The following DDX25 variants were observed in gnomAD, a reference collection of about 807,000 sequenced individuals.
DDX25 encodes the protein ATP-dependent RNA helicase DDX25.
A neutral mutation model predicts 64.6 loss-of-function variants in DDX25; 70 were observed. The observed-to-expected ratio is 1.08, with a 90% CI of 0.89 to 1.32. The LOEUF (loss-of-function observed/expected upper bound fraction) is 1.32, where lower values mean the gene tolerates loss of function less well. Ranked by LOEUF, DDX25 falls within the 40% of genes most tolerant of loss-of-function variation. The pLI, the probability that DDX25 is intolerant of heterozygous loss-of-function variation, is 0.00. For synonymous variants in DDX25, 211 were observed against 213.3 expected, an observed-to-expected ratio of 0.99 and a Z score of 0.09; for missense variants, 587 against 604.4, an observed-to-expected ratio of 0.97 and a Z score of 0.30.
chr11:125,927,466 A>G lies in DDX25; in HGVS notation c.*4585A>G, dbSNP rs1164091722. 1.3e-5 allele frequency: 2 copies of G among 152,196 alleles called. No individual in the cohort carries two copies. The highest frequency in any genetic ancestry group is 4.8e-5 in the African/African-American group (2 of 41,442). The allele number at this position is 152,196 out of a possible 1,614,324, so 9.4% of individuals were successfully genotyped here. On this transcript the variant is annotated 3_prime_UTR_variant, in exon 12 of 12. Coordinates refer to ENST00000263576, the MANE Select transcript of DDX25 (RefSeq NM_013264.5). ...GAGAAGCGTGGCAACTATCTGTAGC[A>G]TTTTTCTTTGGGAATTAACCTTTGC...
intron 10 of DDX25, among the ~76,000 whole-genome samples, 190 bp downstream of exon 10, chr11:125,918,980 G>A (rs1945077230): frequency 6.6e-6 from 1 of 152,006 alleles, no homozygotes; most frequent in Non-Finnish European, 1.5e-5. Flanking sequence ...TCCATCCCAT[G>A]GCCCCTGGCA....
chr11:125,914,769 C>G (rs1229578404), intron 8 of DDX25, among the ~76,000 whole-genome samples: 1 of 152,212 alleles, frequency 6.6e-6, no homozygotes, highest in East Asian at 1.9e-4. Flanking sequence ...TGGAGTCTCA[C>G]TGTGTCACCC....
At chr11:125,922,799 T>G in intron 11 of DDX25, 21 bp from the exon 12 acceptor site, 1 of 1,596,454 alleles carries the variant, frequency 6.3e-7, no homozygotes, top group Non-Finnish European at 8.5e-7. Context: ...AGACTAGTTC[T>G]GTTCTCTTTT....
At chr11:125,907,413 C>T (rs888197240) in intron 4 of DDX25, among the ~76,000 whole-genome samples, 3 of 152,096 alleles carry the variant, frequency 2.0e-5, no homozygotes, top group East Asian at 1.9e-4. Context: ...TCGAGACCAT[C>T]CTGGCTAACA....
At chr11:125,910,565 C>T (rs1012514310) in intron 7 of DDX25, 87 bp downstream of exon 7, 4 of 1,138,062 alleles carry the variant, frequency 3.5e-6, no homozygotes, top group African/African-American at 3.0e-5. Flanking sequence ...TTGGCATTCT[C>T]ATCTCTAAAT....
intron 10 of DDX25, among the ~76,000 whole-genome samples, chr11:125,919,681 C>T (rs1945087135): frequency 6.6e-6 from 1 of 151,770 alleles, no homozygotes; most frequent in South Asian, 2.1e-4. Flanking sequence ...AACTGACAAC[C>T]TGCCATGCTA....
rs1288211356 is a variant in DDX25 at position 125,924,614 on chromosome 11, G to A, written c.*1733G>A. 1 of 152,268 alleles carries A rather than the reference G, an allele frequency of 6.6e-6. No homozygotes were observed. Among genetic ancestry groups the A allele is most frequent in the Non-Finnish European group, 1.5e-5 (1 of 68,086 alleles). 9.4% of individuals were successfully genotyped at this position (152,268 alleles called of 1,614,324 possible). A position where few individuals can be genotyped will look rare whatever the true frequency, so the allele number is the denominator to read the frequency against. ...TTCTAACCTGAGTCTACGAGAGGAA[G>A]TGTTCCAGACCCAGCTTACCATAAT... On this transcript the variant is annotated 3_prime_UTR_variant, in exon 12 of 12. Coordinates refer to ENST00000263576, the MANE Select transcript of DDX25 (RefSeq NM_013264.5).
chr11:125,909,560 A>T (rs1944938014), intron 6 of DDX25, among the ~76,000 whole-genome samples: 1 of 151,870 alleles, frequency 6.6e-6, no homozygotes, highest in Admixed American at 6.6e-5. Context: ...TATGTATTAT[A>T]TTATGTTATA....
intron 4 of DDX25, among the ~76,000 whole-genome samples, chr11:125,907,619 A>G (rs1045640590): frequency 3.9e-5 from 6 of 151,904 alleles, no homozygotes; most frequent in Admixed American, 3.3e-4. Flanking sequence ...AAAAAAAAAA[A>G]GTTGAAGTGT....
chr11:125,923,248 C>A lies in DDX25; in HGVS notation c.*367C>A. On this transcript the variant is annotated 3_prime_UTR_variant, in exon 12 of 12. Transcript: ENST00000263576. ...GGTAGAGCTTCGCTGATTTTGGAAG[C>A]GGAGCGAGTAGGAAAAAGCCCATGT... is the stretch of plus-strand genomic sequence containing the variant. The A allele has an allele frequency of 5.7e-6, 1 of 176,188 alleles. No individual in the cohort carries two copies. Among genetic ancestry groups the A allele is most frequent in the Non-Finnish European group, 1.2e-5 (1 of 83,914 alleles). 10.9% of individuals were successfully genotyped at this position (176,188 alleles called of 1,614,324 possible).
At chr11:125,914,999 C>T (rs1195259129) in intron 8 of DDX25, among the ~76,000 whole-genome samples, 2 of 152,144 alleles carry the variant, frequency 1.3e-5, no homozygotes, top group African/African-American at 4.8e-5. Flanking sequence ...CCTGGATATC[C>T]GGGTGACATT....
chr11:125,910,399 G>A lies in DDX25; in HGVS notation c.543G>A (p.Leu181=). 1 of 1,613,936 alleles carries A rather than the reference G, an allele frequency of 6.2e-7. No homozygotes were observed. ...LCLAPTYELA[L]QTGRVVEQMG... ...TAGCTCCTACTTATGAATTGGCTCT[G>A]CAAACTGGCCGTGTGGTTGAGCAGA... Residue 181 remains leucine, a synonymous_variant, in exon 7 of 12, where the codon CTG becomes CTA. Coordinates refer to ENST00000263576, the MANE Select transcript of DDX25 (RefSeq NM_013264.5).
chr11:125,925,288 C>T lies in DDX25; in HGVS notation c.*2407C>T, dbSNP rs1945157440. The T allele has an allele frequency of 2.6e-6, 1 of 385,160 alleles. No homozygotes were observed. Among genetic ancestry groups the T allele is most frequent in the Non-Finnish European group, 5.3e-6 (1 of 188,308 alleles). 23.9% of individuals were successfully genotyped at this position (385,160 alleles called of 1,614,324 possible). ...CAGTAATTTTTGTTTGGCAGCTGTT[C>T]CCACAGGTCTGCATGAACCAGGTAT... On this transcript the variant is annotated 3_prime_UTR_variant, in exon 12 of 12. Transcript: ENST00000263576.
Position 125,926,184 on chromosome 11 carries a change from GC to G in DDX25, c.*3304del, listed in dbSNP as rs1433317529. The G allele has an allele frequency of 1.3e-5, 2 of 152,284 alleles. No individual in the cohort carries two copies. Among genetic ancestry groups the G allele is most frequent in the Non-Finnish European group, 2.9e-5 (2 of 68,140 alleles). The allele number at this position is 152,284 out of a possible 1,614,324, so 9.4% of individuals were successfully genotyped here. ...TGCACTTTGCTCTCTGAACCGGGGG[GC>G]ATTACTATGTTCTCACCCACATTGT... On this transcript the variant is annotated 3_prime_UTR_variant, in exon 12 of 12. Transcript: ENST00000263576.
intron 5 of DDX25, 29 bp downstream of exon 5, chr11:125,908,317 T>C: frequency 1.2e-6 from 2 of 1,613,094 alleles, no homozygotes; most frequent in East Asian, 2.2e-5. Context: ...GGTATTCTAC[T>C]TGGTTATGTT....
At position 125,905,598 on chromosome 11, in the gene DDX25, G is replaced by A. The variant is rs1248219841; in HGVS notation, c.175+1G>A. The A allele has an allele frequency of 1.3e-6, 2 of 1,551,418 alleles. No homozygotes were observed. Among genetic ancestry groups the A allele is most frequent in the African/African-American group, 1.4e-5 (1 of 73,170 alleles). On this transcript the variant is annotated splice_donor_variant, in intron 3 of 11. Transcript: ENST00000263576. LOFTEE classifies it high-confidence loss of function. ...AATGAAGATGATGAAGAAGATGTAGGTAGGAGATGAATTCATTTGCATGTA... is the reference window on the plus strand; with the variant it reads ...AATGAAGATGATGAAGAAGATGTAGATAGGAGATGAATTCATTTGCATGTA...
intron 10 of DDX25, among the ~76,000 whole-genome samples, chr11:125,919,745 T>C (rs982216993): frequency 5.3e-5 from 8 of 152,106 alleles, no homozygotes; most frequent in Non-Finnish European, 8.8e-5. Flanking sequence ...AAGGATGATG[T>C]CTCTATCCCT....
chr11:125,903,340 G>T, upstream of DDX25: 2 of 586,210 alleles, frequency 3.4e-6, no homozygotes, highest in Non-Finnish European at 4.3e-6. Context: ...TCCAGCTACC[G>T]TTTCTCCGCC....
At chr11:125,909,941 C>T (rs1274583792) in intron 6 of DDX25, among the ~76,000 whole-genome samples, 1 of 152,164 alleles carries the variant, frequency 6.6e-6, no homozygotes, top group Non-Finnish European at 1.5e-5. Flanking sequence ...TGTGAGCCAC[C>T]GTGCCCAACC....
Sources: allele counts gnomAD v4.1 joint callset (sites outside exome capture counted in the v4.1 genomes callset), GRCh38; gene constraint gnomAD v4.1.1; transcripts MANE v1.5; gene names NCBI Gene and HGNC (gene_info 2026-07-23, HGNC 2026-07-21).